The following TSPAN15 variants were observed in gnomAD, a reference collection of about 807,000 sequenced individuals.
TSPAN15 encodes the protein tetraspanin-15.
A neutral mutation model predicts 34.5 loss-of-function variants in TSPAN15; 20 were observed. The observed-to-expected ratio is 0.58, with a 90% CI of 0.41 to 0.84. TSPAN15 has a LOEUF of 0.84. Among genes scored for constraint, TSPAN15 ranks in the 40% least tolerant of loss-of-function variants. TSPAN15 has a pLI of 0.00. For synonymous variants in TSPAN15, 155 were observed against 153.9 expected, an observed-to-expected ratio of 1.01 and a Z score of -0.05; for missense variants, 313 against 386.1, an observed-to-expected ratio of 0.81 and a Z score of 1.59.
At chr10:69,546,379 T>C in the TSPAN15 span, among the ~76,000 whole-genome samples, 1 of 152,244 alleles carries the variant, frequency 6.6e-6, no homozygotes, top group Non-Finnish European at 1.5e-5. Context: ...ACCAGACTCA[T>C]TGTTTTAACA....
intron 1 of TSPAN15, among the ~76,000 whole-genome samples, chr10:69,462,672 C>T (rs11818266): frequency 0.4 from 60,714 of 152,058 alleles, 12,632 homozygotes; most frequent in Non-Finnish European, 0.45. Flanking sequence ...GTGATTCTAA[C>T]GTGCAGCTGG....
the TSPAN15 span, among the ~76,000 whole-genome samples, chr10:69,521,025 T>C: frequency 2.0e-5 from 3 of 151,606 alleles, no homozygotes; most frequent in Non-Finnish European, 4.4e-5. Flanking sequence ...ATAGCTGTGA[T>C]AGGTAATTTC....
rs184118895 is a variant in TSPAN15 at position 69,495,436 on chromosome 10, C to T, written c.358-158C>T. 8.4e-4 allele frequency: 510 copies of T among 610,066 alleles called. 2 individuals carry two copies. The highest frequency in any genetic ancestry group is 8.5e-4 in the Admixed American group (31 of 36,578). 37.8% of individuals were successfully genotyped at this position (610,066 alleles called of 1,614,324 possible). On this transcript the variant is annotated intron_variant, in intron 3 of 7. Coordinates refer to ENST00000373290, the MANE Select transcript of TSPAN15 (RefSeq NM_012339.5). Reference sequence around the variant, plus strand: ...GGAGGATGTGTGGGTAGGGAGGTCACGGGCATCCAGGGTGGGGAGTGGAGG... The same window carrying T: ...GGAGGATGTGTGGGTAGGGAGGTCATGGGCATCCAGGGTGGGGAGTGGAGG...
the TSPAN15 span, among the ~76,000 whole-genome samples, chr10:69,547,779 G>C: frequency 1.3e-5 from 2 of 152,198 alleles, no homozygotes; most frequent in Non-Finnish European, 2.9e-5. Context: ...CACTCCCTCT[G>C]TCTGCCTCCT....
chr10:69,543,844 A>AGTATGTGT, the TSPAN15 span, among the ~76,000 whole-genome samples: 31 of 73,806 alleles, frequency 4.2e-4, no homozygotes, highest in African/African-American at 1.8e-3. Flanking sequence ...GAAGAAGGGG[A>AGTATGTGT]GTGTGTGTGT....
At chr10:69,466,590 G>C (rs991466905) in intron 1 of TSPAN15, among the ~76,000 whole-genome samples, 2 of 152,078 alleles carry the variant, frequency 1.3e-5, no homozygotes, top group Non-Finnish European at 2.9e-5. Flanking sequence ...TTAAAACATC[G>C]AGTTAATAAT....
chr10:69,501,781 G>A (rs1328990772), intron 5 of TSPAN15, among the ~76,000 whole-genome samples: 6 of 152,156 alleles, frequency 3.9e-5, no homozygotes, highest in Non-Finnish European at 7.3e-5. Context: ...ACAGGAGGTG[G>A]GCAGAGGTTG....
the TSPAN15 span, among the ~76,000 whole-genome samples, chr10:69,544,111 C>A: frequency 1.3e-5 from 2 of 152,042 alleles, no homozygotes; most frequent in Non-Finnish European, 2.9e-5. Context: ...GCAGAAGAGG[C>A]CCCAGCCCTA....
At chr10:69,531,364 C>T in the TSPAN15 span, among the ~76,000 whole-genome samples, 22 of 152,006 alleles carry the variant, frequency 1.4e-4, 1 homozygote, top group South Asian at 1.0e-3. Context: ...TTTGGGAGGC[C>T]GAGGCAAGTG....
chr10:69,457,059 G>A (rs1221918094), intron 1 of TSPAN15, among the ~76,000 whole-genome samples: 1 of 152,152 alleles, frequency 6.6e-6, no homozygotes, highest in Non-Finnish European at 1.5e-5. Context: ...ACCACACAGG[G>A]TGAATCATTC....
the TSPAN15 span, among the ~76,000 whole-genome samples, chr10:69,539,672 A>G: frequency 6.6e-6 from 1 of 152,280 alleles, no homozygotes; most frequent in African/African-American, 2.4e-5. Flanking sequence ...AGAAGTCTCC[A>G]GAAATTAGTT....
the TSPAN15 span, among the ~76,000 whole-genome samples, chr10:69,519,838 T>C: frequency 2.0e-5 from 3 of 152,292 alleles, no homozygotes; most frequent in East Asian, 5.8e-4. Context: ...GTTCAATCAA[T>C]TCTCCTGCCT....
the TSPAN15 span, among the ~76,000 whole-genome samples, chr10:69,526,296 G>A: frequency 2.7e-5 from 4 of 148,096 alleles, no homozygotes; most frequent in African/African-American, 7.4e-5. Flanking sequence ...GTAACCATAT[G>A]CAAGATTAAA....
the TSPAN15 span, among the ~76,000 whole-genome samples, chr10:69,515,321 A>G: frequency 6.6e-6 from 1 of 152,010 alleles, no homozygotes; most frequent in Admixed American, 6.5e-5. Context: ...CCACCACTCT[A>G]GCCTCAGTCC....
chr10:69,467,241 G>T (rs1343205221), intron 1 of TSPAN15, among the ~76,000 whole-genome samples: 1 of 152,168 alleles, frequency 6.6e-6, no homozygotes, highest in African/African-American at 2.4e-5. Context: ...GCACTTGGAT[G>T]TGTAATAGGT....
At chr10:69,522,566 G>A in the TSPAN15 span, among the ~76,000 whole-genome samples, 1 of 146,500 alleles carries the variant, frequency 6.8e-6, no homozygotes, top group South Asian at 2.2e-4. Context: ...TAGGAACCAG[G>A]CTGCACAGCA....
chr10:69,459,269 A>G (rs1442088409), intron 1 of TSPAN15, among the ~76,000 whole-genome samples: 1 of 152,150 alleles, frequency 6.6e-6, no homozygotes, highest in Non-Finnish European at 1.5e-5. Context: ...ACAAATAGTT[A>G]TTTGATGCCT....
intron 3 of TSPAN15, among the ~76,000 whole-genome samples, chr10:69,493,154 C>T (rs894404941): frequency 2.0e-5 from 3 of 152,228 alleles, no homozygotes; most frequent in African/African-American, 7.2e-5. Flanking sequence ...GGAGCAGGCA[C>T]CCAAGGATGG....
In TSPAN15 at chr10:69,506,108, G is replaced by T; in HGVS notation, c.619-16G>T. On this transcript the variant is annotated splice_polypyrimidine_tract_variant and intron_variant, in intron 6 of 7. Transcript: ENST00000373290. This position sits in a 1 kb window ranked among gnomAD's most constrained non-coding sequence, Gnocchi z 4.7. Reference sequence around the variant, plus strand: ...CGAGGTCCTCTGCTGGGCTGACCCAGCTCCTTCCCATGCAGCGTTTCAGTG... The same window carrying T: ...CGAGGTCCTCTGCTGGGCTGACCCATCTCCTTCCCATGCAGCGTTTCAGTG... 1 of 1,611,514 alleles carries T rather than the reference G, an allele frequency of 6.2e-7. No individual in the cohort carries two copies. Among genetic ancestry groups the T allele is most frequent in the South Asian group, 1.1e-5 (1 of 90,844 alleles).
Sources: allele counts gnomAD v4.1 joint callset (sites outside exome capture counted in the v4.1 genomes callset), GRCh38; gene constraint gnomAD v4.1.1; non-coding constraint Gnocchi (gnomAD v3.1); transcripts MANE v1.5; gene names NCBI Gene and HGNC (gene_info 2026-07-23, HGNC 2026-07-21).